Variants in GRID1 observed in about 807,000 individuals in gnomAD.
GRID1 encodes the protein glutamate receptor ionotropic, delta-1.
GRID1 carries 28 observed loss-of-function variants against 98.0 expected under a neutral mutation model. That is an observed-to-expected ratio of 0.29 (90% CI 0.21 to 0.39). The LOEUF is 0.39. Among genes scored for constraint, GRID1 ranks in the 10% least tolerant of loss-of-function variants. The pLI is 1.00. For missense variants in GRID1, 1,111 were observed against 1,340.5 expected, an observed-to-expected ratio of 0.83 and a Z score of 2.67; for synonymous variants, 553 against 538.5, an observed-to-expected ratio of 1.03 and a Z score of -0.37.
intron 12 of GRID1, 22 bp downstream of exon 12, chr10:85,722,981 G>A (rs969114431): frequency 6.3e-7 from 1 of 1,598,328 alleles, no homozygotes; most frequent in Admixed American, 1.7e-5. Flanking sequence ...GCTGGCTCCA[G>A]ATCAAGGAGG....
At chr10:85,687,439 G>C (rs7093317) in intron 12 of GRID1, among the ~76,000 whole-genome samples, 5,308 of 152,078 alleles carry the variant, frequency 0.035, 272 homozygotes, top group African/African-American at 0.12. Flanking sequence ...ATTTGAATTT[G>C]TATGGTAAGA....
intron 8 of GRID1, among the ~76,000 whole-genome samples, chr10:85,805,052 C>CT (rs1204451256): frequency 2.6e-5 from 4 of 150,946 alleles, no homozygotes; most frequent in Non-Finnish European, 1.5e-5. Context: ...GGTCATATAT[C>CT]TAAAAAATGC....
At chr10:86,080,278 G>A (rs1237943371) in intron 4 of GRID1, among the ~76,000 whole-genome samples, 3 of 151,470 alleles carry the variant, frequency 2.0e-5, no homozygotes, top group Non-Finnish European at 4.4e-5. Flanking sequence ...AGGTTGCAGT[G>A]AGCCAAGATC....
At chr10:85,736,179 G>T (rs1296802317) in intron 8 of GRID1, among the ~76,000 whole-genome samples, 1 of 141,742 alleles carries the variant, frequency 7.1e-6, no homozygotes, top group Non-Finnish European at 1.5e-5. Flanking sequence ...CAGGAAGAAA[G>T]GAAGGAAGGA....
In GRID1 at chr10:86,195,019, A is replaced by T. The variant is rs985750885; in HGVS notation, c.520+11345T>A. On this transcript the variant is annotated intron_variant, in intron 3 of 15. Coordinates refer to ENST00000327946, the MANE Select transcript of GRID1 (RefSeq NM_017551.3). The surrounding 1 kb of genome is among the most constrained non-coding windows in gnomAD (Gnocchi z 4.4). Reference sequence around the variant, plus strand: ...CAACAGAACTAAACTGAATGGACACATGAAGCCTCACTCCGTGGGCAGCAA... The same window carrying T: ...CAACAGAACTAAACTGAATGGACACTTGAAGCCTCACTCCGTGGGCAGCAA... 2.0e-5 allele frequency among the ~76,000 whole-genome samples: 3 copies of T among 152,122 alleles called. No homozygotes were observed. Among genetic ancestry groups the T allele is most frequent in the African/African-American group, 4.8e-5 (2 of 41,444 alleles).
intron 13 of GRID1, among the ~76,000 whole-genome samples, chr10:85,627,320 G>A (rs989919416): frequency 6.6e-6 from 1 of 152,190 alleles, no homozygotes; most frequent in African/African-American, 2.4e-5. Flanking sequence ...ACAGAGTCCT[G>A]ATGAGGATTA....
At chr10:86,073,761 GA>G (rs1843838132) in intron 4 of GRID1, among the ~76,000 whole-genome samples, 1 of 152,212 alleles carries the variant, frequency 6.6e-6, no homozygotes, top group African/African-American at 2.4e-5. Flanking sequence ...GGAATCCTCA[GA>G]GCAAGATTAA....
chr10:85,865,958 G>T (rs1207913144), intron 6 of GRID1, among the ~76,000 whole-genome samples: 656 of 7,700 alleles, frequency 0.085, 20 homozygotes, highest in Admixed American at 0.12. Flanking sequence ...TATATATGGA[G>T]AGAGAGAGAG....
intron 14 of GRID1, among the ~76,000 whole-genome samples, chr10:85,617,047 G>T (rs1040053450): frequency 3.3e-5 from 5 of 152,150 alleles, no homozygotes; most frequent in African/African-American, 1.2e-4. Context: ...GAAGGAAATA[G>T]TTTAGTTCCC....
intron 2 of GRID1, among the ~76,000 whole-genome samples, chr10:86,351,930 G>A (rs1848468072): frequency 6.6e-6 from 1 of 152,212 alleles, no homozygotes; most frequent in South Asian, 2.1e-4. Context: ...TATCCCAAGT[G>A]TACAGGAAGG....
intron 12 of GRID1, among the ~76,000 whole-genome samples, chr10:85,721,304 A>T (rs990153025): frequency 6.6e-6 from 1 of 152,208 alleles, no homozygotes; most frequent in Non-Finnish European, 1.5e-5. Flanking sequence ...ACAATACCCA[A>T]CATGAACTTG....
chr10:85,729,474 A>T, intron 9 of GRID1, 39 bp downstream of exon 9: 1 of 1,164,878 alleles, frequency 8.6e-7, no homozygotes. Flanking sequence ...AACAGCCTGG[A>T]TGGTGTAGCT....
chr10:85,820,640 T>A (rs1032941839), intron 8 of GRID1, among the ~76,000 whole-genome samples: 1 of 152,190 alleles, frequency 6.6e-6, no homozygotes. Flanking sequence ...GTACATCAAA[T>A]AATTATTTGT....
At chr10:85,932,232 A>G (rs542656037) in intron 4 of GRID1, among the ~76,000 whole-genome samples, 3 of 152,152 alleles carry the variant, frequency 2.0e-5, no homozygotes, top group African/African-American at 4.8e-5. Flanking sequence ...TTAAAAATTG[A>G]GACAGGGTCT....
intron 6 of GRID1, among the ~76,000 whole-genome samples, chr10:85,867,676 T>C (rs184605988): frequency 1.3e-3 from 198 of 152,356 alleles, no homozygotes; most frequent in African/African-American, 4.6e-3. Context: ...GACTCGGGTG[T>C]CCAGGGCTCT....
intron 4 of GRID1, among the ~76,000 whole-genome samples, chr10:85,922,418 G>A (rs1402690222): frequency 6.6e-6 from 1 of 152,174 alleles, no homozygotes; most frequent in East Asian, 1.9e-4. Context: ...AAGTGCAAAT[G>A]CCACCAATTA....
chr10:85,757,071 T>C (rs973301134), intron 8 of GRID1, among the ~76,000 whole-genome samples: 1 of 152,168 alleles, frequency 6.6e-6, no homozygotes, highest in African/African-American at 2.4e-5. Flanking sequence ...GAGTTAAGCA[T>C]AGGATCTAAG....
intron 8 of GRID1, among the ~76,000 whole-genome samples, chr10:85,842,093 G>C (rs1485678081): frequency 6.6e-6 from 1 of 152,096 alleles, no homozygotes; most frequent in African/African-American, 2.4e-5. Flanking sequence ...ATCAATGCTA[G>C]ACTGGATAAA....
At chr10:85,662,108 C>A (rs949407388) in intron 12 of GRID1, among the ~76,000 whole-genome samples, 2 of 152,160 alleles carry the variant, frequency 1.3e-5, no homozygotes, top group Non-Finnish European at 2.9e-5. Context: ...CCAGGCTGTA[C>A]CTGAATCTTT....
Sources: gnomAD v4.1 joint callset for allele counts (sites outside exome capture counted in the v4.1 genomes callset) on GRCh38, gnomAD v4.1.1 for gene constraint, Gnocchi (gnomAD v3.1) non-coding constraint, MANE v1.5 for transcripts, NCBI Gene and HGNC (gene_info 2026-07-23, HGNC 2026-07-21) for gene names.